Variants in EVI2B observed in about 807,000 individuals in gnomAD.
EVI2B encodes ecotropic viral integration site 2B.
In EVI2B, 4 loss-of-function variants were observed where a neutral mutation model predicts 6.6. The ratio of observed to expected loss-of-function variants is 0.61; its 90% CI spans 0.30 to 1.39. EVI2B has a LOEUF of 1.39. EVI2B is among the 40% of genes most tolerant of loss of function. The probability of loss-of-function intolerance (pLI) is 0.08; values close to 1 mark genes in which losing one functional copy is unlikely to be tolerated. For synonymous variants in EVI2B, 181 were observed against 186.8 expected, an observed-to-expected ratio of 0.97 and a Z score of 0.25; for missense variants, 484 against 516.6, an observed-to-expected ratio of 0.94 and a Z score of 0.61.
intron 1 of EVI2B, among the ~76,000 whole-genome samples, chr17:31,305,936 A>G (rs1296083512): frequency 6.6e-6 from 1 of 152,090 alleles, no homozygotes; most frequent in Admixed American, 6.5e-5. Context: ...ATATTTCAGT[A>G]CTTCACTTAG....
intron 1 of EVI2B, among the ~76,000 whole-genome samples, chr17:31,306,718 A>G (rs1957651975): frequency 6.6e-6 from 1 of 152,084 alleles, no homozygotes; most frequent in South Asian, 2.1e-4. Flanking sequence ...CCAGTTGGTC[A>G]AGTAGTCCTG....
At chr17:31,308,945 G>A (rs1304268893) in intron 1 of EVI2B, among the ~76,000 whole-genome samples, 1 of 152,124 alleles carries the variant, frequency 6.6e-6, no homozygotes, top group Non-Finnish European at 1.5e-5. Context: ...CTTGAAGAAG[G>A]CAGAAAGGAG....
chr17:31,307,678 T>G (rs561506117), intron 1 of EVI2B, among the ~76,000 whole-genome samples: 2 of 152,184 alleles, frequency 1.3e-5, no homozygotes, highest in African/African-American at 4.8e-5. Context: ...TGAGACAATT[T>G]GCAACTTTTG....
intron 1 of EVI2B, among the ~76,000 whole-genome samples, chr17:31,307,591 A>T (rs2068758365): frequency 6.6e-6 from 1 of 152,130 alleles, no homozygotes; most frequent in East Asian, 1.9e-4. Context: ...CCATCTAACT[A>T]CCTGTCTAAC....
chr17:31,307,726 G>A (rs1447078027), intron 1 of EVI2B, among the ~76,000 whole-genome samples: 10 of 152,108 alleles, frequency 6.6e-5, no homozygotes. Context: ...CAAACACAAT[G>A]GCAACTATTT....
Position 31,304,096 on chromosome 17 carries a change from T to A in EVI2B, c.*167A>T. Reference sequence around the variant, plus strand: ...TAAATAGATTACTGTTAAATAACTTTTTTTAAAAAAAAGTTTCATCTATGC... The same window carrying A: ...TAAATAGATTACTGTTAAATAACTTATTTTAAAAAAAAGTTTCATCTATGC... On this transcript the variant is annotated 3_prime_UTR_variant, in exon 2 of 2. Transcript: ENST00000330927. The A allele has an allele frequency of 1.7e-6, 1 of 593,652 alleles. No homozygotes were observed. Among genetic ancestry groups the A allele is most frequent in the Admixed American group, 3.6e-5 (1 of 27,918 alleles). The allele number at this position is 593,652 out of a possible 1,614,324, so 36.8% of individuals were successfully genotyped here. A position where few individuals can be genotyped will look rare whatever the true frequency, so the allele number is the denominator to read the frequency against.
At chr17:31,309,692 G>A (rs945215294) in intron 1 of EVI2B, among the ~76,000 whole-genome samples, 2 of 152,138 alleles carry the variant, frequency 1.3e-5, no homozygotes, top group African/African-American at 4.8e-5. Context: ...TCAGTTAGCT[G>A]AAAAAGGCAT....
chr17:31,305,335 G>GGTTTTTCAGAAGAGGTATAGACAGCT lies in EVI2B; in HGVS notation c.249_274dup (p.Pro92GlnfsTer30). The GGTTTTTCAGAAGAGGTATAGACAGCT allele has an allele frequency of 6.2e-7, 1 of 1,614,128 alleles. No homozygotes were observed. The highest frequency in any genetic ancestry group is 8.5e-7 in the Non-Finnish European group (1 of 1,180,028). ...TTGTCCAGCAGAAGTATGTGCTTCTGGTTTTTCAGAAGAGGTATAGACAGC... is the reference window on the plus strand; with the variant it reads ...TTGTCCAGCAGAAGTATGTGCTTCTGGTTTTTCAGAAGAGGTATAGACAGCTGTTTTTCAGAAGAGGTATAGACAGC... On this transcript the variant is annotated frameshift_variant, in exon 2 of 2. Transcript: ENST00000330927. LOFTEE classifies it low-confidence loss of function (END_TRUNC).
chr17:31,308,583 T>C (rs1427243115), intron 1 of EVI2B, among the ~76,000 whole-genome samples: 6 of 152,214 alleles, frequency 3.9e-5, no homozygotes, highest in African/African-American at 1.2e-4. Context: ...ACACGATTTT[T>C]CCCTGCTAAA....
chr17:31,308,374 C>T (rs1412688344), intron 1 of EVI2B, among the ~76,000 whole-genome samples: 1 of 152,100 alleles, frequency 6.6e-6, no homozygotes, highest in Non-Finnish European at 1.5e-5. Context: ...CTCCTGACCT[C>T]AAGTGATCTG....
chr17:31,305,275 ATTGGTGTTGGTTGT>A lies in EVI2B; in HGVS notation c.321_334del (p.Lys107AsnfsTer47). ...GGCTTGCTGGGAGGAGGTGTTGGCT[ATTGGTGTTGGTTGT>A]TTGGTGTTGTAGGCAAGTGGTTGTC... On this transcript the variant is annotated frameshift_variant, in exon 2 of 2. Coordinates refer to ENST00000330927, the MANE Select transcript of EVI2B (RefSeq NM_006495.4). LOFTEE classifies it low-confidence loss of function (END_TRUNC). 6.2e-7 allele frequency: 1 copy of A among 1,614,074 alleles called. No homozygotes were observed. The highest frequency in any genetic ancestry group is 8.5e-7 in the Non-Finnish European group (1 of 1,180,010).
chr17:31,308,461 A>G (rs1432408127), intron 1 of EVI2B, among the ~76,000 whole-genome samples: 1 of 152,006 alleles, frequency 6.6e-6, no homozygotes, highest in Non-Finnish European at 1.5e-5. Context: ...AAACTTCTAA[A>G]TTGAGTTTTC....
chr17:31,304,446 T>C lies in EVI2B; in HGVS notation c.1164A>G (p.Lys388=), dbSNP rs1308887493. The C allele has an allele frequency of 2.0e-5, 32 of 1,614,006 alleles. No individual in the cohort carries two copies. Among genetic ancestry groups the C allele is most frequent in the African/African-American group, 2.7e-5 (2 of 74,910 alleles). ...GTGGAAATGATTGTATTATCTCAGA[T>C]TTATGATCTCCACAGTCTTGATTGA... is the stretch of plus-strand genomic sequence containing the variant. The part of the protein sequence containing the change: ...DCLNQDCGDH[K]SEIIQSFPPL... Residue 388 remains lysine (K), a synonymous_variant, in exon 2 of 2, where the codon AAA becomes AAG. Coordinates refer to ENST00000330927, the MANE Select transcript of EVI2B (RefSeq NM_006495.4).
At chr17:31,313,872 A>G (rs2151520624) in intron 1 of EVI2B, 107 bp downstream of exon 1, 1 of 392,598 alleles carries the variant, frequency 2.5e-6, no homozygotes, top group Non-Finnish European at 4.5e-6. Flanking sequence ...AACCTGTTAT[A>G]GACATCTTTA....
chr17:31,304,501 G>C lies in EVI2B; in HGVS notation c.1109C>G (p.Ser370Cys). 1 of 1,614,148 alleles carries C rather than the reference G, an allele frequency of 6.2e-7. No homozygotes were observed. The highest frequency in any genetic ancestry group is 1.3e-5 in the African/African-American group (1 of 75,046). Reference sequence around the variant, plus strand: ...GTCCAGAGATGGAGGGAGACTAGTAGAATCATTTGGAAGAGGAGATACAAT... The same window carrying C: ...GTCCAGAGATGGAGGGAGACTAGTACAATCATTTGGAAGAGGAGATACAAT... ...MTIVSPLPND[S>C]TSLPPSLDCL... Residue 370 changes from serine (S) to cysteine (C), a missense_variant, in exon 2 of 2, where the codon TCT (serine) becomes TGT (cysteine). Ser to Cys is a moderately radical substitution (Grantham distance 112). Transcript: ENST00000330927.
intron 1 of EVI2B, among the ~76,000 whole-genome samples, chr17:31,307,728 C>T (rs905569150): frequency 2.0e-5 from 3 of 152,130 alleles, no homozygotes; most frequent in Admixed American, 6.5e-5. Flanking sequence ...AACACAATGG[C>T]AACTATTTGG....
intron 1 of EVI2B, among the ~76,000 whole-genome samples, chr17:31,310,434 G>T (rs970789499): frequency 3.9e-5 from 6 of 151,950 alleles, no homozygotes; most frequent in African/African-American, 7.2e-5. Flanking sequence ...AGTTGGGGGT[G>T]GGGGGAGATG....
intron 1 of EVI2B, among the ~76,000 whole-genome samples, chr17:31,310,420 A>G (rs1449930312): frequency 1.3e-5 from 2 of 148,218 alleles, no homozygotes; most frequent in South Asian, 4.6e-4. Context: ...AGTAGGCAAA[A>G]TGAAGTTGGG....
chr17:31,307,809 GTTC>G, intron 1 of EVI2B: 1 of 1,023,688 alleles, frequency 9.8e-7, no homozygotes, highest in Non-Finnish European at 1.3e-6. Flanking sequence ...AGAAACTATA[GTTC>G]TTCTGACTCA....
Sources: allele counts gnomAD v4.1 joint callset (sites outside exome capture counted in the v4.1 genomes callset), GRCh38; gene constraint gnomAD v4.1.1; transcripts MANE v1.5; gene names NCBI Gene and HGNC (gene_info 2026-07-23, HGNC 2026-07-21).